CUX2: variants seen among roughly 807,000 people sequenced by gnomAD.
The protein encoded by CUX2 is homeobox protein cut-like 2.
In CUX2, 40 loss-of-function variants were observed where a neutral mutation model predicts 144.8. That is an observed-to-expected ratio of 0.28 (90% CI 0.21 to 0.36). The LOEUF is 0.36. CUX2 is among the 10% of genes least tolerant of loss of function. The probability of loss-of-function intolerance (pLI) is 1.00; values close to 1 mark genes in which losing one functional copy is unlikely to be tolerated. For missense variants in CUX2, 1,615 were observed against 1,994.0 expected (o/e 0.81, Z 3.62); for synonymous variants, 827 against 875.6 (o/e 0.94, Z 0.98).
At chr12:111,217,799 C>A in intron 2 of CUX2, 91 bp from the exon 3 acceptor site, 1 of 1,361,122 alleles carries the variant, frequency 7.3e-7, no homozygotes, top group Non-Finnish European at 1.0e-6. Flanking sequence ...TTGGGAAATG[C>A]TGAGCCAGGG....
chr12:111,279,960 G>A (rs889717744), intron 4 of CUX2, among the ~76,000 whole-genome samples: 1 of 149,574 alleles, frequency 6.7e-6, no homozygotes, highest in Non-Finnish European at 1.5e-5. Flanking sequence ...CCAGCCTGGC[G>A]AAAGAGCGAG....
At chr12:111,045,702 C>G (rs1449984125) in intron 1 of CUX2, among the ~76,000 whole-genome samples, 1 of 152,202 alleles carries the variant, frequency 6.6e-6, no homozygotes, top group Non-Finnish European at 1.5e-5. Flanking sequence ...TCGGAGCAGT[C>G]AGATCTTGCT....
chr12:111,093,075 C>G (rs920785088), intron 1 of CUX2, among the ~76,000 whole-genome samples: 7 of 152,202 alleles, frequency 4.6e-5, no homozygotes, highest in African/African-American at 1.7e-4. Context: ...CTTGGCCTCC[C>G]AAAGTGCTGG....
At chr12:111,093,642 G>A (rs1415110275) in intron 1 of CUX2, among the ~76,000 whole-genome samples, 3 of 152,154 alleles carry the variant, frequency 2.0e-5, no homozygotes, top group Non-Finnish European at 4.4e-5. Flanking sequence ...AAATTTGACG[G>A]GGGGGCGATG....
chr12:111,160,985 C>T lies in CUX2; in HGVS notation c.64-53215C>T, dbSNP rs1051511750. On this transcript the variant is annotated intron_variant, in intron 1 of 21. Transcript: ENST00000261726. This position sits in a 1 kb window ranked among gnomAD's most constrained non-coding sequence, Gnocchi z 4.1. ...GCTATGGGTTTGAAACCTGAGATGC[C>T]CATGGTCTCCCAGAGGGGTTATCAG... 5.3e-5 allele frequency among the ~76,000 whole-genome samples: 8 copies of T among 152,116 alleles called. No homozygotes were observed. Among genetic ancestry groups the T allele is most frequent in the African/African-American group, 1.9e-4 (8 of 41,410 alleles).
intron 1 of CUX2, among the ~76,000 whole-genome samples, chr12:111,091,699 G>A (rs1872563110): frequency 6.6e-6 from 1 of 152,212 alleles, no homozygotes; most frequent in African/African-American, 2.4e-5. Context: ...CTGGAGGCCA[G>A]AAGTCCAAGA....
intron 1 of CUX2, among the ~76,000 whole-genome samples, chr12:111,196,787 A>G (rs1308411875): frequency 6.6e-6 from 1 of 152,214 alleles, no homozygotes; most frequent in Non-Finnish European, 1.5e-5. Context: ...TAGAAGTACT[A>G]AATTTAAATA....
chr12:111,283,077 G>C (rs1205249259), intron 4 of CUX2, among the ~76,000 whole-genome samples: 2 of 152,092 alleles, frequency 1.3e-5, no homozygotes, highest in African/African-American at 4.8e-5. Context: ...AATTAGCCAG[G>C]TGTGGTGGCG....
At chr12:111,266,473 CAAAAA>C (rs57419229) in intron 4 of CUX2, among the ~76,000 whole-genome samples, 1 of 93,376 alleles carries the variant, frequency 1.1e-5, no homozygotes. Flanking sequence ...CCTGTCTCAA[CAAAAA>C]AAAAAAAAAA....
At chr12:111,209,458 CAA>C (rs1367162717) in intron 1 of CUX2, among the ~76,000 whole-genome samples, 1 of 152,132 alleles carries the variant, frequency 6.6e-6, no homozygotes, top group East Asian at 1.9e-4. Flanking sequence ...ATCCATATCT[CAA>C]AAAGAGAACC....
At chr12:111,241,776 T>C (rs534938394) in intron 3 of CUX2, among the ~76,000 whole-genome samples, 212 of 152,406 alleles carry the variant, frequency 1.4e-3, no homozygotes, top group African/African-American at 5.0e-3. Context: ...CATCAGAACT[T>C]GGGCTGGCCA....
At chr12:111,049,463 T>A (rs1870161697) in intron 1 of CUX2, among the ~76,000 whole-genome samples, 1 of 152,012 alleles carries the variant, frequency 6.6e-6, no homozygotes, top group Non-Finnish European at 1.5e-5. Context: ...GGTGGAGGAG[T>A]CAACTGTAGT....
intron 1 of CUX2, among the ~76,000 whole-genome samples, chr12:111,111,565 T>G (rs1474125719): frequency 1.3e-5 from 2 of 152,230 alleles, no homozygotes; most frequent in Non-Finnish European, 2.9e-5. Flanking sequence ...TAGAATCCTT[T>G]GGCAGTGATC....
intron 1 of CUX2, among the ~76,000 whole-genome samples, chr12:111,121,376 T>C (rs531170410): frequency 1.7e-3 from 186 of 111,662 alleles, no homozygotes; most frequent in African/African-American, 9.3e-3. Flanking sequence ...TTTCTTTTTT[T>C]TTTTTTTTTT....
chr12:111,254,181 A>G (rs775572884), intron 3 of CUX2, among the ~76,000 whole-genome samples: 8 of 152,242 alleles, frequency 5.3e-5, no homozygotes, highest in Non-Finnish European at 7.3e-5. Flanking sequence ...GTTCAGAGGT[A>G]GGGATGCTCA....
intron 14 of CUX2, among the ~76,000 whole-genome samples, chr12:111,309,720 A>G (rs534359357): frequency 8.7e-6 from 1 of 114,886 alleles, no homozygotes; most frequent in African/African-American, 3.4e-5. Context: ...GTGGTTTTTC[A>G]CTCTGTCTCT....
intron 1 of CUX2, among the ~76,000 whole-genome samples, chr12:111,088,766 C>T (rs1008818674): frequency 2.0e-5 from 3 of 152,204 alleles, no homozygotes; most frequent in Admixed American, 6.5e-5. Flanking sequence ...AGACGTGCAA[C>T]TCTGAGCGCC....
At chr12:111,258,633 G>A (rs988402880) in intron 3 of CUX2, among the ~76,000 whole-genome samples, 4 of 151,996 alleles carry the variant, frequency 2.6e-5, no homozygotes, top group Non-Finnish European at 4.4e-5. Flanking sequence ...TTGAAAGTCC[G>A]TTGACTTTGG....
intron 1 of CUX2, among the ~76,000 whole-genome samples, chr12:111,066,232 G>A (rs905857345): frequency 1.3e-5 from 2 of 152,056 alleles, no homozygotes; most frequent in Non-Finnish European, 2.9e-5. Context: ...TTGGCCCTTG[G>A]GAATTTCTTA....
Sources: gnomAD v4.1 joint callset for allele counts (sites outside exome capture counted in the v4.1 genomes callset) on GRCh38, gnomAD v4.1.1 for gene constraint, Gnocchi (gnomAD v3.1) non-coding constraint, MANE v1.5 for transcripts, NCBI Gene and HGNC (gene_info 2026-07-23, HGNC 2026-07-21) for gene names.